Variants in SMG6 observed in about 807,000 individuals in gnomAD.
SMG6 encodes the protein SMG6 nonsense mediated mRNA decay factor.
SMG6 carries 66 observed loss-of-function variants against 142.2 expected under a neutral mutation model. The observed-to-expected ratio is 0.46, with a 90% CI of 0.38 to 0.57. SMG6 has a LOEUF of 0.57. SMG6 is among the 20% of genes least tolerant of loss of function. The pLI, the probability that SMG6 is intolerant of heterozygous loss-of-function variation, is 0.00. For synonymous variants in SMG6, 779 were observed against 702.4 expected (o/e 1.11, Z -1.72); for missense variants, 1,793 against 1,832.0 (o/e 0.98, Z 0.39).
intron 8 of SMG6, among the ~76,000 whole-genome samples, chr17:2,268,191 A>G (rs2074465616): frequency 6.6e-6 from 1 of 152,172 alleles, no homozygotes; most frequent in South Asian, 2.1e-4. Flanking sequence ...GGCATGTGCT[A>G]CTGTGTCCAG....
chr17:2,131,345 G>A (rs2151547436), intron 13 of SMG6, among the ~76,000 whole-genome samples: 1 of 151,210 alleles, frequency 6.6e-6, no homozygotes, highest in South Asian at 2.1e-4. Flanking sequence ...ACCCAGGCTA[G>A]AGTGCAGTGG....
chr17:2,303,654 C>T lies in SMG6; in HGVS notation c.67G>A (p.Ala23Thr), dbSNP rs2075342764. 1 of 1,489,686 alleles carries T rather than the reference C, an allele frequency of 6.7e-7. No homozygotes were observed. The highest frequency in any genetic ancestry group is 8.9e-7 in the Non-Finnish European group (1 of 1,126,516). 92.3% of individuals were successfully genotyped at this position (1,489,686 alleles called of 1,614,324 possible). A position where few individuals can be genotyped will look rare whatever the true frequency, so the allele number is the denominator to read the frequency against. Residue 23 changes from alanine (A) to threonine (T), a missense_variant, in exon 1 of 19, where the codon GCC becomes ACC. Physicochemically the swap from Ala to Thr is moderately conservative, Grantham distance 58. Coordinates refer to ENST00000263073, the MANE Select transcript of SMG6 (RefSeq NM_017575.5). Reference sequence around the variant, plus strand: ...TCACCTCTGCTCCCGGCCTGCGGGGCCAGAGTAGCCAGGATCCCGCGCAGC... The same window carrying T: ...TCACCTCTGCTCCCGGCCTGCGGGGTCAGAGTAGCCAGGATCCCGCGCAGC... ...SELRGILATL[A>T]PQAGSRENMK...
intron 13 of SMG6, among the ~76,000 whole-genome samples, chr17:2,121,639 GTGTGTGT>G (rs1429794151): frequency 2.0e-5 from 2 of 97,744 alleles, no homozygotes; most frequent in East Asian, 3.3e-4. Flanking sequence ...GTGTGTGTGT[GTGTGTGT>G]AGAGAGAGAG....
chr17:2,117,796 C>T (rs1158338683), intron 13 of SMG6: 2 of 152,168 alleles, frequency 1.3e-5, no homozygotes, highest in Non-Finnish European at 2.9e-5. Flanking sequence ...GAAAGCATGA[C>T]ACCCCTGCTT....
intron 13 of SMG6, among the ~76,000 whole-genome samples, chr17:2,166,753 C>T (rs915983116): frequency 6.6e-6 from 1 of 152,214 alleles, no homozygotes; most frequent in African/African-American, 2.4e-5. Flanking sequence ...GCCACTGCTC[C>T]TGACCTTCAA....
chr17:2,085,715 C>G lies in SMG6; in HGVS notation c.3534+10G>C. 1 of 1,607,044 alleles carries G rather than the reference C, an allele frequency of 6.2e-7. No homozygotes were observed. The highest frequency in any genetic ancestry group is 8.5e-7 in the Non-Finnish European group (1 of 1,176,796). On this transcript the variant is annotated intron_variant, in intron 14 of 18. Transcript: ENST00000263073. This position sits in a 1 kb window ranked among gnomAD's most constrained non-coding sequence, Gnocchi z 4.1. ...TCCCTCTGCCACAGCGGGCTCTTCC[C>G]GCATAGTACCTCATCTTCCAGTCGT... is the stretch of plus-strand genomic sequence containing the variant.
At chr17:2,283,993 A>G (rs1470834584) in intron 6 of SMG6, among the ~76,000 whole-genome samples, 2 of 152,226 alleles carry the variant, frequency 1.3e-5, no homozygotes, top group Non-Finnish European at 2.9e-5. Context: ...AGGAATAAAC[A>G]GGCTCTTAAA....
chr17:2,290,808 T>G (rs957449548), intron 6 of SMG6, among the ~76,000 whole-genome samples: 1 of 152,188 alleles, frequency 6.6e-6, no homozygotes, highest in Non-Finnish European at 1.5e-5. Context: ...CCAAAAGATC[T>G]GAACACCTCA....
chr17:2,254,445 G>C (rs558601793), intron 8 of SMG6, among the ~76,000 whole-genome samples: 1 of 152,098 alleles, frequency 6.6e-6, no homozygotes, highest in African/African-American at 2.4e-5. Context: ...AGCAACAATC[G>C]TGCCTCAGCT....
At chr17:2,161,055 G>C (rs1405138643) in intron 13 of SMG6, among the ~76,000 whole-genome samples, 2 of 150,696 alleles carry the variant, frequency 1.3e-5, no homozygotes, top group Non-Finnish European at 2.9e-5. Context: ...TATGTATGTA[G>C]GTAGGTAGGT....
At chr17:2,202,028 G>C (rs1424524773) in intron 10 of SMG6, among the ~76,000 whole-genome samples, 1 of 148,678 alleles carries the variant, frequency 6.7e-6, no homozygotes, top group Non-Finnish European at 1.5e-5. Flanking sequence ...CATCTCAAAG[G>C]AAAAAAAAAA....
intron 13 of SMG6, among the ~76,000 whole-genome samples, chr17:2,117,413 C>T (rs187991450): frequency 5.6e-4 from 85 of 152,066 alleles, no homozygotes; most frequent in African/African-American, 1.8e-3. Context: ...CCAAATAATG[C>T]GCAAATAACT....
At chr17:2,073,288 T>C (rs2151407491) in intron 15 of SMG6, among the ~76,000 whole-genome samples, 1 of 152,160 alleles carries the variant, frequency 6.6e-6, no homozygotes, top group South Asian at 2.1e-4. Flanking sequence ...TTCACCATGT[T>C]GGCCACACTG....
chr17:2,202,611 C>G (rs2072563739), intron 10 of SMG6, among the ~76,000 whole-genome samples: 9 of 152,132 alleles, frequency 5.9e-5, no homozygotes, highest in Admixed American at 5.9e-4. Flanking sequence ...TGACCCTTCA[C>G]TTGAACTGTT....
chr17:2,118,501 T>C (rs1450133772), intron 13 of SMG6, among the ~76,000 whole-genome samples: 2 of 151,958 alleles, frequency 1.3e-5, no homozygotes, highest in Non-Finnish European at 2.9e-5. Flanking sequence ...ATCGTGCCAC[T>C]GCACTCCAGC....
chr17:2,146,796 C>G (rs1246372787), intron 13 of SMG6, among the ~76,000 whole-genome samples: 1 of 152,102 alleles, frequency 6.6e-6, no homozygotes, highest in Non-Finnish European at 1.5e-5. Context: ...CAATTCCTGG[C>G]CTGAAGTGAG....
intron 13 of SMG6, among the ~76,000 whole-genome samples, chr17:2,102,782 C>A (rs1008270989): frequency 2.0e-5 from 3 of 152,080 alleles, no homozygotes; most frequent in Non-Finnish European, 2.9e-5. Flanking sequence ...ACGCTTTGAA[C>A]CCTTTGACCA....
At chr17:2,182,016 A>G (rs1198298802) in intron 12 of SMG6, among the ~76,000 whole-genome samples, 1 of 151,922 alleles carries the variant, frequency 6.6e-6, no homozygotes, top group African/African-American at 2.4e-5. Context: ...TATCTAAGAG[A>G]CCTGTGGTTG....
At chr17:2,147,768 G>A (rs966611898) in intron 13 of SMG6, among the ~76,000 whole-genome samples, 13 of 152,156 alleles carry the variant, frequency 8.5e-5, no homozygotes, top group Admixed American at 7.2e-4. Flanking sequence ...CCAATACACC[G>A]ACTAGGATGG....
Sources: allele counts gnomAD v4.1 joint callset (sites outside exome capture counted in the v4.1 genomes callset), GRCh38; gene constraint gnomAD v4.1.1; non-coding constraint Gnocchi (gnomAD v3.1); transcripts MANE v1.5; gene names NCBI Gene and HGNC (gene_info 2026-07-23, HGNC 2026-07-21).